Variants in MACROD2 observed in about 807,000 individuals in gnomAD.
MACROD2 encodes ADP-ribose glycohydrolase MACROD2.
A neutral mutation model predicts 70.4 loss-of-function variants in MACROD2; 36 were observed. The observed-to-expected ratio is 0.51, with a 90% CI of 0.39 to 0.68. MACROD2 has a LOEUF of 0.68. MACROD2 is among the 30% of genes least tolerant of loss of function. The probability of loss-of-function intolerance (pLI) is 0.00; values close to 1 mark genes in which losing one functional copy is unlikely to be tolerated. For missense variants in MACROD2, 496 were observed against 538.4 expected (o/e 0.92, Z 0.78); for synonymous variants, 172 against 178.8 (o/e 0.96, Z 0.30).
chr20:13,995,611 G>C lies in MACROD2; in HGVS notation c.-153G>C, dbSNP rs2052625121. ...GGCTGAGGGAGGAGGGCGGCGACTG[G>C]AGAGCGGCGAGCGGCGAGCAGCGCA... is the stretch of plus-strand genomic sequence containing the variant. On this transcript the variant is annotated 5_prime_UTR_variant, in exon 1 of 18. Coordinates refer to ENST00000684519, the MANE Select transcript of MACROD2 (RefSeq NM_001351661.2). This position sits in a 1 kb window ranked among gnomAD's most constrained non-coding sequence, Gnocchi z 4.3. The C allele has an allele frequency of 1.3e-6, 1 of 759,406 alleles. No individual in the cohort carries two copies. The highest frequency in any genetic ancestry group is 1.7e-5 in the African/African-American group (1 of 58,162). The allele number at this position is 759,406 out of a possible 1,614,324, so 47.0% of individuals were successfully genotyped here. A position where few individuals can be genotyped will look rare whatever the true frequency, so the allele number is the denominator to read the frequency against.
intron 4 of MACROD2, among the ~76,000 whole-genome samples, chr20:14,570,565 C>G (rs1600397815): frequency 2.6e-5 from 4 of 151,030 alleles, no homozygotes; most frequent in Non-Finnish European, 5.9e-5. Context: ...TTTTTTTTCC[C>G]CATGGTAAAA....
chr20:15,181,833 A>T (rs1450976967), intron 5 of MACROD2, among the ~76,000 whole-genome samples: 3 of 152,192 alleles, frequency 2.0e-5, no homozygotes, highest in African/African-American at 7.2e-5. Flanking sequence ...TTCCTCTTGG[A>T]AATGACGGGC....
intron 8 of MACROD2, among the ~76,000 whole-genome samples, chr20:15,669,624 G>C (rs1555857936): frequency 6.6e-6 from 1 of 152,120 alleles, no homozygotes; most frequent in Non-Finnish European, 1.5e-5. Context: ...TTCCTGGAAG[G>C]GCACTTTGAG....
chr20:14,233,566 G>A (rs1238977948), intron 3 of MACROD2, among the ~76,000 whole-genome samples: 2 of 151,172 alleles, frequency 1.3e-5, no homozygotes, highest in South Asian at 2.1e-4. Flanking sequence ...GTGTGGTGGC[G>A]GGTGCCTGTA....
chr20:15,218,017 AGGCAAAGAAAG>A (rs1175289589), intron 5 of MACROD2, among the ~76,000 whole-genome samples: 6 of 152,208 alleles, frequency 3.9e-5, no homozygotes, highest in African/African-American at 1.2e-4. Flanking sequence ...GGCCCAAAAT[AGGCAAAGAAAG>A]GGAAAAGTTA....
chr20:14,942,326 G>T (rs1203583120), intron 5 of MACROD2, among the ~76,000 whole-genome samples: 1 of 151,774 alleles, frequency 6.6e-6, no homozygotes, highest in Non-Finnish European at 1.5e-5. Flanking sequence ...AATAATAATT[G>T]CTGCCCTCCT....
rs367955872 is a variant in MACROD2, at chr20:13,995,876, G to A, written c.46+67G>A. On this transcript the variant is annotated intron_variant, in intron 1 of 17. Transcript: ENST00000684519. This position sits in a 1 kb window ranked among gnomAD's most constrained non-coding sequence, Gnocchi z 4.3. ...TTAGGGTGGGGGCGGGGGTCAGGCT[G>A]TGTGTGCCGCGGCGCCCTCCGCCCG... 116 of 1,508,412 alleles carry A rather than the reference G, an allele frequency of 7.7e-5. 1 individual carries two copies. The South Asian group carries it at 1.3e-3, about 17-fold the overall frequency. 93.4% of individuals were successfully genotyped at this position (1,508,412 alleles called of 1,614,324 possible).
At chr20:14,307,473 T>C (rs2082530592) in intron 3 of MACROD2, among the ~76,000 whole-genome samples, 1 of 152,168 alleles carries the variant, frequency 6.6e-6, no homozygotes, top group African/African-American at 2.4e-5. Context: ...ATATTCAGTT[T>C]TTTAAATTGG....
intron 12 of MACROD2, 99 bp downstream of exon 12, chr20:15,937,643 T>A: frequency 1.9e-6 from 2 of 1,071,544 alleles, no homozygotes; most frequent in African/African-American, 1.6e-5. Context: ...CAAATATAAC[T>A]AGGTTTTCTT....
intron 5 of MACROD2, among the ~76,000 whole-genome samples, chr20:15,020,528 C>T (rs976891281): frequency 1.3e-5 from 2 of 152,018 alleles, no homozygotes; most frequent in African/African-American, 4.8e-5. Context: ...TGTCTGATAC[C>T]AACTGCAGTC....
intron 3 of MACROD2, among the ~76,000 whole-genome samples, chr20:14,222,752 TC>T (rs1212840357): frequency 6.6e-6 from 1 of 150,680 alleles, no homozygotes; most frequent in Non-Finnish European, 1.5e-5. Context: ...TATTCCCAGT[TC>T]TTAGATTGGG....
At chr20:14,942,865 T>C (rs1467463531) in intron 5 of MACROD2, among the ~76,000 whole-genome samples, 3 of 152,198 alleles carry the variant, frequency 2.0e-5, no homozygotes, top group Admixed American at 2.0e-4. Flanking sequence ...GTGCCTTCTA[T>C]CCTGACTACT....
chr20:15,139,769 C>A (rs1360265274), intron 5 of MACROD2, among the ~76,000 whole-genome samples: 3 of 152,130 alleles, frequency 2.0e-5, no homozygotes, highest in Non-Finnish European at 4.4e-5. Flanking sequence ...TACACCTTGG[C>A]TCATCTGAGA....
chr20:15,609,028 T>C (rs757057787), intron 8 of MACROD2, among the ~76,000 whole-genome samples: 4 of 152,196 alleles, frequency 2.6e-5, no homozygotes, highest in Non-Finnish European at 4.4e-5. Context: ...TGGGATGATG[T>C]CCCAGCTACA....
At chr20:15,972,994 A>G (rs897280023) in intron 13 of MACROD2, among the ~76,000 whole-genome samples, 1 of 152,102 alleles carries the variant, frequency 6.6e-6, no homozygotes, top group African/African-American at 2.4e-5. Context: ...TAACATTTAG[A>G]AAGGCTTGTT....
intron 5 of MACROD2, among the ~76,000 whole-genome samples, chr20:15,164,167 A>G (rs1305812545): frequency 6.6e-6 from 1 of 152,200 alleles, no homozygotes; most frequent in African/African-American, 2.4e-5. Context: ...AACTGTGGAT[A>G]GAAAATATTT....
chr20:14,083,806 C>T (rs2054033247), intron 2 of MACROD2, among the ~76,000 whole-genome samples: 1 of 151,116 alleles, frequency 6.6e-6, no homozygotes, highest in African/African-American at 2.4e-5. Flanking sequence ...GAGGCCCAGG[C>T]GCGGTGGCTC....
At chr20:14,752,751 C>T (rs893999484) in intron 5 of MACROD2, among the ~76,000 whole-genome samples, 22 of 151,972 alleles carry the variant, frequency 1.4e-4, no homozygotes, top group African/African-American at 4.1e-4. Flanking sequence ...TTTGCAGTTC[C>T]GCAAAAAACA....
chr20:15,742,986 C>A (rs1236900092), intron 8 of MACROD2, among the ~76,000 whole-genome samples: 2 of 152,182 alleles, frequency 1.3e-5, no homozygotes, highest in African/African-American at 4.8e-5. Flanking sequence ...TGTCTGATAT[C>A]TTCAATCTCT....
Sources: allele counts gnomAD v4.1 joint callset (sites outside exome capture counted in the v4.1 genomes callset), GRCh38; gene constraint gnomAD v4.1.1; non-coding constraint Gnocchi (gnomAD v3.1); transcripts MANE v1.5; gene names NCBI Gene and HGNC (gene_info 2026-07-23, HGNC 2026-07-21).